GSG1L: variants seen among roughly 807,000 people sequenced by gnomAD.
GSG1L encodes GSG1 like.
GSG1L carries 24 observed loss-of-function variants against 42.1 expected under a neutral mutation model. The observed-to-expected ratio is 0.57, with a 90% CI of 0.41 to 0.80. The LOEUF (loss-of-function observed/expected upper bound fraction) is 0.80, where lower values mean the gene tolerates loss of function less well. Ranked by LOEUF, GSG1L falls within the 30% of genes least tolerant of loss-of-function variation. The pLI is 0.00. For missense variants in GSG1L, 445 were observed against 472.2 expected, an observed-to-expected ratio of 0.94 and a Z score of 0.53; for synonymous variants, 215 against 203.5, an observed-to-expected ratio of 1.06 and a Z score of -0.48.
rs999454238 is a variant in GSG1L, at chr16:27,829,055, C to A, written c.663-99G>T. On this transcript the variant is annotated intron_variant, in intron 4 of 6. Coordinates refer to ENST00000447459, the MANE Select transcript of GSG1L (RefSeq NM_001109763.2). Reference sequence around the variant, plus strand: ...CATTCATTCATCCCTGCATGGCTGCCTTTTCCTCTGGTACTTAAGCAGTTA... The same window carrying A: ...CATTCATTCATCCCTGCATGGCTGCATTTTCCTCTGGTACTTAAGCAGTTA... The A allele has an allele frequency of 1.1e-4, 124 of 1,174,872 alleles. 1 individual carries two copies. The highest frequency in any genetic ancestry group is 1.4e-4 in the Non-Finnish European group (112 of 829,500). The allele number at this position is 1,174,872 out of a possible 1,614,324, so 72.8% of individuals were successfully genotyped here. A position where few individuals can be genotyped will look rare whatever the true frequency, so the allele number is the denominator to read the frequency against.
At chr16:28,047,202 T>A (rs139775179) in intron 1 of GSG1L, among the ~76,000 whole-genome samples, 1 of 152,322 alleles carries the variant, frequency 6.6e-6, no homozygotes, top group African/African-American at 2.4e-5. Context: ...ATGACACGTA[T>A]GAATAAAAAA....
At chr16:28,058,501 C>T (rs1405466468) in intron 1 of GSG1L, among the ~76,000 whole-genome samples, 1 of 151,806 alleles carries the variant, frequency 6.6e-6, no homozygotes, top group African/African-American at 2.4e-5. Flanking sequence ...TGGTGGTGTA[C>T]ACCTGTGGTC....
intron 1 of GSG1L, among the ~76,000 whole-genome samples, chr16:28,021,071 T>C (rs2085836856): frequency 6.6e-6 from 1 of 152,196 alleles, no homozygotes; most frequent in Non-Finnish European, 1.5e-5. Context: ...GGTGGTGTAT[T>C]AGTCCTTTCT....
At chr16:27,834,956 T>C (rs1013452410) in intron 4 of GSG1L, among the ~76,000 whole-genome samples, 1 of 152,192 alleles carries the variant, frequency 6.6e-6, no homozygotes, top group African/African-American at 2.4e-5. Context: ...GGGCTTATTT[T>C]GCCCTTCTTT....
chr16:28,025,146 A>C (rs1192407654), intron 1 of GSG1L, among the ~76,000 whole-genome samples: 1 of 152,208 alleles, frequency 6.6e-6, no homozygotes, highest in African/African-American at 2.4e-5. Flanking sequence ...AGTAGCCTGC[A>C]TGAGAAAGGC....
rs114217439 is a variant in GSG1L at position 27,899,663 on chromosome 16, G to A, written c.398-15025C>T. Among the ~76,000 whole-genome samples the A allele has an allele frequency of 1.3e-5, 2 of 152,160 alleles. 1 individual carries two copies. Among genetic ancestry groups the A allele is most frequent in the South Asian group, 4.1e-4 (2 of 4,826 alleles). On this transcript the variant is annotated intron_variant, in intron 2 of 6. Transcript: ENST00000447459. ...GCTCGGGAGGTTGAAGCTACAGTGAGCTATGATTGTACCACTGCACTCCAG... is the reference window on the plus strand; with the variant it reads ...GCTCGGGAGGTTGAAGCTACAGTGAACTATGATTGTACCACTGCACTCCAG...
intron 3 of GSG1L, among the ~76,000 whole-genome samples, chr16:27,857,802 G>A (rs775767958): frequency 1.3e-5 from 2 of 151,450 alleles, no homozygotes; most frequent in African/African-American, 2.4e-5. Context: ...TCTCCAAGAC[G>A]TCCAGTTAAA....
At chr16:27,952,869 C>T (rs2084965362) in intron 2 of GSG1L, among the ~76,000 whole-genome samples, 1 of 152,154 alleles carries the variant, frequency 6.6e-6, no homozygotes, top group African/African-American at 2.4e-5. Flanking sequence ...ACATAATTAG[C>T]ACTCAGATCA....
At chr16:27,876,930 C>T (rs1018782078) in intron 3 of GSG1L, among the ~76,000 whole-genome samples, 2 of 152,176 alleles carry the variant, frequency 1.3e-5, no homozygotes, top group Admixed American at 1.3e-4. Flanking sequence ...TGATTATTTC[C>T]CGGAGATGGA....
intron 2 of GSG1L, among the ~76,000 whole-genome samples, chr16:27,945,163 G>A (rs145225857): frequency 1.3e-5 from 2 of 152,022 alleles, no homozygotes; most frequent in African/African-American, 4.8e-5. Context: ...AAGTAAATGG[G>A]GTTCCTTTTC....
At chr16:27,844,486 G>A (rs1312113119) in intron 4 of GSG1L, among the ~76,000 whole-genome samples, 2 of 152,108 alleles carry the variant, frequency 1.3e-5, no homozygotes, top group African/African-American at 2.4e-5. Context: ...CAGGGGGTCA[G>A]AGAGTATTTT....
intron 1 of GSG1L, among the ~76,000 whole-genome samples, chr16:28,028,537 G>A (rs1384058562): frequency 6.6e-6 from 1 of 151,928 alleles, no homozygotes; most frequent in African/African-American, 2.4e-5. Flanking sequence ...ATAAGACTTA[G>A]CACTCATTGC....
intron 1 of GSG1L, among the ~76,000 whole-genome samples, chr16:27,985,758 A>C (rs1446027248): frequency 1.3e-5 from 2 of 152,236 alleles, no homozygotes; most frequent in Non-Finnish European, 2.9e-5. Flanking sequence ...GCTTGAACTC[A>C]GGAGGCAGAA....
At chr16:27,939,189 A>G (rs988866051) in intron 2 of GSG1L, among the ~76,000 whole-genome samples, 1 of 151,870 alleles carries the variant, frequency 6.6e-6, no homozygotes, top group Non-Finnish European at 1.5e-5. Flanking sequence ...TGGTGTGATC[A>G]TAGTTCACTA....
At chr16:27,969,588 T>C (rs547561036) in intron 1 of GSG1L, among the ~76,000 whole-genome samples, 10 of 152,304 alleles carry the variant, frequency 6.6e-5, no homozygotes, top group Admixed American at 6.5e-4. Context: ...TTACATGATG[T>C]GGATATACCA....
chr16:27,887,970 G>T (rs1213371870), intron 2 of GSG1L: 1 of 440,542 alleles, frequency 2.3e-6, no homozygotes, highest in Non-Finnish European at 3.0e-6. Flanking sequence ...ACCAGGCAGC[G>T]GGGAGCAAAG....
chr16:28,044,036 A>G (rs961440697), intron 1 of GSG1L, among the ~76,000 whole-genome samples: 2 of 152,180 alleles, frequency 1.3e-5, no homozygotes, highest in African/African-American at 4.8e-5. Flanking sequence ...AAACAAACAA[A>G]AAAAAACTGT....
intron 4 of GSG1L, among the ~76,000 whole-genome samples, chr16:27,840,835 G>A (rs754542363): frequency 3.3e-5 from 5 of 151,980 alleles, no homozygotes; most frequent in Non-Finnish European, 5.9e-5. Context: ...AAGCCCCTCC[G>A]GCCGCCAGCC....
intron 1 of GSG1L, among the ~76,000 whole-genome samples, chr16:28,013,530 C>G (rs1006369948): frequency 1.3e-5 from 2 of 152,144 alleles, no homozygotes; most frequent in Non-Finnish European, 2.9e-5. Context: ...GTTACTAGAC[C>G]CTGTTGCCCA....
Sources: allele counts gnomAD v4.1 joint callset (sites outside exome capture counted in the v4.1 genomes callset), GRCh38; gene constraint gnomAD v4.1.1; transcripts MANE v1.5; gene names NCBI Gene and HGNC (gene_info 2026-07-23, HGNC 2026-07-21).